YTHDF1: variants seen among roughly 807,000 people sequenced by gnomAD.
YTHDF1 encodes the protein YTH domain-containing family protein 1.
YTHDF1 carries 16 observed loss-of-function variants against 49.1 expected under a neutral mutation model. The observed-to-expected ratio is 0.33, with a 90% CI of 0.22 to 0.49. The LOEUF is 0.49. Ranked by LOEUF, YTHDF1 falls within the 20% of genes least tolerant of loss-of-function variation. The pLI is 0.99. For missense variants in YTHDF1, 621 were observed against 744.3 expected, an observed-to-expected ratio of 0.83 and a Z score of 1.93; for synonymous variants, 313 against 290.1, an observed-to-expected ratio of 1.08 and a Z score of -0.80.
chr20:63,211,036 A>G (rs938537294), intron 3 of YTHDF1, among the ~76,000 whole-genome samples: 1 of 152,238 alleles, frequency 6.6e-6, no homozygotes, highest in Non-Finnish European at 1.5e-5. Flanking sequence ...ACAGCCCATT[A>G]CAAGTTAAAC....
rs16983572 is a variant in YTHDF1 at position 63,203,957 on chromosome 20, T to C, written c.133-150A>G. ...CCAGAAAGAAAGCTGTAGTCGCCAA[T>C]GTGAGAACCAAATCAAGACAGAGAA... On this transcript the variant is annotated intron_variant, in intron 3 of 4. Transcript: ENST00000370339. This position sits in a 1 kb window ranked among gnomAD's most constrained non-coding sequence, Gnocchi z 4.4. The C allele has an allele frequency of 0.011, 7,823 of 703,196 alleles. 178 individuals are homozygous for C. Among genetic ancestry groups the C allele is most frequent in the African/African-American group, 0.07 (3,882 of 55,820 alleles). The allele number at this position is 703,196 out of a possible 1,614,324, so 43.6% of individuals were successfully genotyped here. A position where few individuals can be genotyped will look rare whatever the true frequency, so the allele number is the denominator to read the frequency against.
In YTHDF1 at chr20:63,201,044, A is replaced by T. The variant is rs887177795; in HGVS notation, c.1653+1243T>A. 5.7e-5 allele frequency among the ~76,000 whole-genome samples: 8 copies of T among 140,060 alleles called. No homozygotes were observed. In the South Asian group the frequency reaches 6.7e-4, roughly 12 times the overall value. The allele number at this position is 140,060 out of a possible 152,430, so 91.9% of individuals were successfully genotyped here. ...TGGGCAACAGAGCAAAACTCCATTTAAAAAAAAAAAAAAGACCTAAAACAC... is the reference window on the plus strand; with the variant it reads ...TGGGCAACAGAGCAAAACTCCATTTTAAAAAAAAAAAAAGACCTAAAACAC... On this transcript the variant is annotated intron_variant, in intron 4 of 4. Coordinates refer to ENST00000370339, the MANE Select transcript of YTHDF1 (RefSeq NM_017798.4).
chr20:63,205,516 C>CT (rs11452326), intron 3 of YTHDF1, among the ~76,000 whole-genome samples: 41,330 of 148,624 alleles, frequency 0.28, 5,748 homozygotes, highest in Middle Eastern at 0.4. Flanking sequence ...GAACCCCCCC[C>CT]TTTTTTTTTT....
At chr20:63,212,873 C>G (rs768927311) in intron 3 of YTHDF1, among the ~76,000 whole-genome samples, 15 of 152,180 alleles carry the variant, frequency 9.9e-5, no homozygotes, top group Non-Finnish European at 1.8e-4. Context: ...CAACAATGCA[C>G]AGGACAGCCC....
chr20:63,203,719 G>A lies in YTHDF1; in HGVS notation c.221C>T (p.Pro74Leu), dbSNP rs373868224. ...IGFPYSLNEAPWSTAGDPPIP... is the reference protein window; with the variant it reads ...IGFPYSLNEALWSTAGDPPIP... Reference sequence around the variant, plus strand: ...CGGAGGGTCCCCTGCAGTAGACCACGGAGCCTCATTGAGGGAGTAAGGAAA... The same window carrying A: ...CGGAGGGTCCCCTGCAGTAGACCACAGAGCCTCATTGAGGGAGTAAGGAAA... Residue 74 changes from proline (P) to leucine (L), a missense_variant, in exon 4 of 5, where the codon CCG (proline) becomes CTG (leucine). Pro to Leu is a moderately conservative substitution (Grantham distance 98). Transcript: ENST00000370339. The surrounding 1 kb of genome is among the most constrained non-coding windows in gnomAD (Gnocchi z 4.4). 3.2e-5 allele frequency: 52 copies of A among 1,614,046 alleles called. No homozygotes were observed. Among genetic ancestry groups the A allele is most frequent in the Non-Finnish European group, 3.6e-5 (42 of 1,180,036 alleles).
chr20:63,198,532 C>T (rs897897879), intron 4 of YTHDF1, among the ~76,000 whole-genome samples: 3 of 152,028 alleles, frequency 2.0e-5, no homozygotes, highest in African/African-American at 7.3e-5. Flanking sequence ...TAAAGCCACT[C>T]ACAGGTAAAC....
rs2066492526 is a variant in YTHDF1, at chr20:63,196,372, TG to T, written c.*335del. ...AAAAGCAATAAAGGGATGAGAAATA[TG>T]AAGTCTCACAGAATATCAAATGACT... On this transcript the variant is annotated 3_prime_UTR_variant, in exon 5 of 5. Transcript: ENST00000370339. The T allele has an allele frequency of 4.9e-6, 1 of 205,154 alleles. No individual in the cohort carries two copies. Among genetic ancestry groups the T allele is most frequent in the Non-Finnish European group, 9.7e-6 (1 of 102,996 alleles). 12.7% of individuals were successfully genotyped at this position (205,154 alleles called of 1,614,324 possible). A position where few individuals can be genotyped will look rare whatever the true frequency, so the allele number is the denominator to read the frequency against.
In YTHDF1 at chr20:63,216,025, CG is replaced by C. The variant is rs1157953084; in HGVS notation, c.-134del. On this transcript the variant is annotated 5_prime_UTR_variant, in exon 1 of 5. Coordinates refer to ENST00000370339, the MANE Select transcript of YTHDF1 (RefSeq NM_017798.4). The stretch of plus-strand genomic sequence containing the variant: ...TCCCCGGGCGCCGGCCGGGCGGCGG[CG>C]GCGGCTGCTGGGCGCGCGGGCCCCT... 1.2e-6 allele frequency: 1 copy of C among 816,848 alleles called. No individual in the cohort carries two copies. Among genetic ancestry groups the C allele is most frequent in the Non-Finnish European group, 1.5e-6 (1 of 675,142 alleles). 50.6% of individuals were successfully genotyped at this position (816,848 alleles called of 1,614,324 possible).
chr20:63,207,905 C>T lies in YTHDF1; in HGVS notation c.133-4098G>A, dbSNP rs550853218. 1.6e-3 allele frequency among the ~76,000 whole-genome samples: 242 copies of T among 151,816 alleles called. 2 individuals are homozygous for T. The highest frequency in any genetic ancestry group is 5.6e-3 in the African/African-American group (232 of 41,374). Reference sequence around the variant, plus strand: ...ACTCCGGAGCCTGAGGCAGGAGAATCGCTTGAACCTGGGAGGTGAAGGCTG... The same window carrying T: ...ACTCCGGAGCCTGAGGCAGGAGAATTGCTTGAACCTGGGAGGTGAAGGCTG... On this transcript the variant is annotated intron_variant, in intron 3 of 4. Coordinates refer to ENST00000370339, the MANE Select transcript of YTHDF1 (RefSeq NM_017798.4).
chr20:63,197,552 G>A (rs73919070), intron 4 of YTHDF1, among the ~76,000 whole-genome samples: 1,546 of 152,174 alleles, frequency 0.01, 22 homozygotes, highest in African/African-American at 0.035. Context: ...GAAAATGTGC[G>A]ATCTAAGGAG....
rs2066532314 is a variant in YTHDF1, at chr20:63,203,905, A to C, written c.133-98T>G. 3 of 1,148,014 alleles carry C rather than the reference A, an allele frequency of 2.6e-6. No homozygotes were observed. The African/African-American group carries it at 4.7e-5, about 18-fold the overall frequency. The allele number at this position is 1,148,014 out of a possible 1,614,324, so 71.1% of individuals were successfully genotyped here. A position where few individuals can be genotyped will look rare whatever the true frequency, so the allele number is the denominator to read the frequency against. The stretch of plus-strand genomic sequence containing the variant: ...TTAAGCACAGGTGGAGCAAAAACAA[A>C]ACCTGCACAGCATGGGGCTACTCCT... On this transcript the variant is annotated intron_variant, in intron 3 of 4. Coordinates refer to ENST00000370339, the MANE Select transcript of YTHDF1 (RefSeq NM_017798.4). This position sits in a 1 kb window ranked among gnomAD's most constrained non-coding sequence, Gnocchi z 4.4.
In YTHDF1 at chr20:63,202,930, G is replaced by A. The variant is rs766569779; in HGVS notation, c.1010C>T (p.Ala337Val). The A allele has an allele frequency of 1.1e-5, 17 of 1,613,936 alleles. No individual in the cohort carries two copies. The highest frequency in any genetic ancestry group is 3.3e-4 in the Middle Eastern group (2 of 6,082). ...GCCAGCCCCTCCGCTCTGCCCAAAC[G>A]CCGCGTTTCTGTTGCGTGGGGCAAC... The part of the protein sequence containing the change: ...RWVAPRNRNA[A>V]FGQSGGAGSD... The change falls in exon 4 of 5, where the codon GCG (alanine) becomes GTG (valine). Residue 337 changes from alanine (A) to valine (V), a missense_variant. Ala to Val is a moderately conservative substitution (Grantham distance 64, BLOSUM62 0). This residue lies in a region of YTHDF1 where 470 missense variants were observed against 495.8 expected (regional missense o/e 0.95). Transcript: ENST00000370339.
chr20:63,203,166 ACCC>A lies in YTHDF1; in HGVS notation c.771_773del (p.Gly259del). ...GCTTTATGGGTGGAGGGGGCAGCCC[ACCC>A]CCCATGACAGGCCCGCTCTTTGTTT... On this transcript the variant is annotated inframe_deletion, in exon 4 of 5. Transcript: ENST00000370339. This position sits in a 1 kb window ranked among gnomAD's most constrained non-coding sequence, Gnocchi z 4.4. The A allele has an allele frequency of 6.2e-7, 1 of 1,613,278 alleles. No individual in the cohort carries two copies. Among genetic ancestry groups the A allele is most frequent in the Non-Finnish European group, 8.5e-7 (1 of 1,179,928 alleles).
chr20:63,214,022 T>G, intron 2 of YTHDF1, 79 bp from the exon 3 acceptor site: 1 of 1,485,950 alleles, frequency 6.7e-7, no homozygotes, highest in Non-Finnish European at 9.0e-7. Context: ...GTTAGCAAAG[T>G]CTATTTCCAT....
chr20:63,206,318 C>T (rs2066545896), intron 3 of YTHDF1, among the ~76,000 whole-genome samples: 1 of 152,246 alleles, frequency 6.6e-6, no homozygotes, highest in South Asian at 2.1e-4. Flanking sequence ...TGCCCAGGGA[C>T]ACTTCTGACT....
chr20:63,203,842 TACAAC>T lies in YTHDF1; in HGVS notation c.133-40_133-36del. On this transcript the variant is annotated intron_variant, in intron 3 of 4. Coordinates refer to ENST00000370339, the MANE Select transcript of YTHDF1 (RefSeq NM_017798.4). This position sits in a 1 kb window ranked among gnomAD's most constrained non-coding sequence, Gnocchi z 4.4. ...CAAACGTGACAAGTTACACCACTTC[TACAAC>T]ACGAGATGCTGAGAATGCCAACCGC... 6.4e-7 allele frequency: 1 copy of T among 1,557,562 alleles called. No individual in the cohort carries two copies. Among genetic ancestry groups the T allele is most frequent in the Non-Finnish European group, 8.7e-7 (1 of 1,146,860 alleles).
At chr20:63,205,290 T>C (rs2066540446) in intron 3 of YTHDF1, among the ~76,000 whole-genome samples, 1 of 152,086 alleles carries the variant, frequency 6.6e-6, no homozygotes, top group Non-Finnish European at 1.5e-5. Flanking sequence ...TCCCAGACAA[T>C]GAAACAGGCC....
chr20:63,201,710 G>A (rs1371229472), intron 4 of YTHDF1, among the ~76,000 whole-genome samples: 1 of 152,248 alleles, frequency 6.6e-6, no homozygotes, highest in East Asian at 1.9e-4. Flanking sequence ...CCTAGATGGA[G>A]TGAGTTTGTT....
chr20:63,202,924 C>A lies in YTHDF1; in HGVS notation c.1016G>T (p.Gly339Val), dbSNP rs2066524783. The A allele has an allele frequency of 1.9e-6, 3 of 1,614,086 alleles. No homozygotes were observed. In the East Asian group the frequency reaches 6.7e-5, roughly 36 times the overall value. ...VAPRNRNAAFGQSGGAGSDSN... is the reference protein window; with the variant it reads ...VAPRNRNAAFVQSGGAGSDSN... Reference sequence around the variant, plus strand: ...ATCGCTGCCAGCCCCTCCGCTCTGCCCAAACGCCGCGTTTCTGTTGCGTGG... The same window carrying A: ...ATCGCTGCCAGCCCCTCCGCTCTGCACAAACGCCGCGTTTCTGTTGCGTGG... The change falls in exon 4 of 5, where the codon GGG becomes GTG. Residue 339 changes from glycine to valine, a missense_variant. Gly to Val is a moderately radical substitution (Grantham distance 109). Around this residue, in one of 2 missense-constraint regions of YTHDF1, gnomAD observed 470 missense variants for 495.8 expected, o/e 0.95. Coordinates refer to ENST00000370339, the MANE Select transcript of YTHDF1 (RefSeq NM_017798.4).
Sources: allele counts gnomAD v4.1 joint callset (sites outside exome capture counted in the v4.1 genomes callset), GRCh38; gene constraint gnomAD v4.1.1; regional missense constraint gnomAD v4.1.1; non-coding constraint Gnocchi (gnomAD v3.1); transcripts MANE v1.5; gene names NCBI Gene and HGNC (gene_info 2026-07-23, HGNC 2026-07-21).